Variants in OR8D1 observed in about 807,000 individuals in gnomAD.
The protein encoded by OR8D1 is olfactory receptor 8D1.
For synonymous variants in OR8D1, 143 were observed against 147.0 expected (o/e 0.97, Z 0.20); for missense variants, 384 against 366.8 (o/e 1.05, Z -0.38).
At position 124,310,649 on chromosome 11, in the gene OR8D1, C is replaced by T; in HGVS notation, c.118G>A (p.Val40Met). The T allele has an allele frequency of 6.2e-7, 1 of 1,613,918 alleles. No homozygotes were observed. The highest frequency in any genetic ancestry group is 8.5e-7 in the Non-Finnish European group (1 of 1,179,908). ...LFLGIYVVTV[V>M]GNLGMILLIA... ...AGGAGAATCATGCCCAGGTTGCCCACTACTGTGACCACATAGATTCCCAGG... is the reference window on the plus strand; with the variant it reads ...AGGAGAATCATGCCCAGGTTGCCCATTACTGTGACCACATAGATTCCCAGG... The change falls in exon 3 of 3, where the codon GTG (valine) becomes ATG (methionine). Residue 40 changes from valine to methionine, a missense_variant. Physicochemically the swap from Val to Met is conservative, Grantham distance 21. Coordinates refer to ENST00000641015, the MANE Select transcript of OR8D1 (RefSeq NM_001002917.2).
Position 124,309,913 on chromosome 11 carries a change from A to G in OR8D1, c.854T>C (p.Leu285Pro). The change falls in exon 3 of 3, where the codon CTG becomes CCG. Residue 285 changes from leucine (L) to proline (P), a missense_variant. By Grantham distance (98) the Leu-to-Pro change is moderately conservative. Transcript: ENST00000641015. ...CCTCAGACTGTATATTAAAGGGTTC[A>G]GCATGGGGATCACCGTGGTGTAGAA... ...SVFYTTVIPM[L>P]NPLIYSLRNK... 1 of 1,523,054 alleles carries G rather than the reference A, an allele frequency of 6.6e-7. No homozygotes were observed. The highest frequency in any genetic ancestry group is 8.8e-7 in the Non-Finnish European group (1 of 1,138,224). The allele number at this position is 1,523,054 out of a possible 1,614,324, so 94.3% of individuals were successfully genotyped here.
chr11:124,309,755 C>A lies in OR8D1; in HGVS notation c.*85G>T. On this transcript the variant is annotated 3_prime_UTR_variant, in exon 3 of 3. Coordinates refer to ENST00000641015, the MANE Select transcript of OR8D1 (RefSeq NM_001002917.2). ...AATCTAGATATTATGTATGTTACAA[C>A]AGAAGAACATGAAAATAGAAAAAAG... 1 of 727,772 alleles carries A rather than the reference C, an allele frequency of 1.4e-6. No homozygotes were observed. The highest frequency in any genetic ancestry group is 2.1e-6 in the Non-Finnish European group (1 of 480,242). The allele number at this position is 727,772 out of a possible 1,614,324, so 45.1% of individuals were successfully genotyped here. A position where few individuals can be genotyped will look rare whatever the true frequency, so the allele number is the denominator to read the frequency against.
Position 124,310,570 on chromosome 11 carries a change from A to C in OR8D1, c.197T>G (p.Leu66Trp). ...HTPMYYFLSS[L>W]SFVDFCYSSV... Reference sequence around the variant, plus strand: ...GGAATAGCAGAAATCGACGAAGGACAAGCTGCTGAGGAAATAGTACATGGG... The same window carrying C: ...GGAATAGCAGAAATCGACGAAGGACCAGCTGCTGAGGAAATAGTACATGGG... The change falls in exon 3 of 3, where the codon TTG becomes TGG. Residue 66 changes from leucine (L) to tryptophan (W), a missense_variant. By Grantham distance (61) the Leu-to-Trp change is moderately conservative. Coordinates refer to ENST00000641015, the MANE Select transcript of OR8D1 (RefSeq NM_001002917.2). 18 of 1,613,900 alleles carry C rather than the reference A, an allele frequency of 1.1e-5. No individual in the cohort carries two copies. Among genetic ancestry groups the C allele is most frequent in the Non-Finnish European group, 1.5e-5 (18 of 1,179,892 alleles).
At chr11:124,311,763 TG>T (rs1251034203) in intron 1 of OR8D1, 87 bp from the exon 2 acceptor site, 5 of 152,208 alleles carry the variant, frequency 3.3e-5, no homozygotes, top group African/African-American at 1.2e-4. Flanking sequence ...CAACATGAAC[TG>T]GCTCCCTGGT....
chr11:124,310,362 G>T lies in OR8D1; in HGVS notation c.405C>A (p.Ile135=). ...GCAGTGAGCAGACCCATGAGGACAT[G>T]ATCGCATTATAAAGCAGTGGGCTAC... ...AICSPLLYNA[I]MSSWVCSLLV... The change falls in exon 3 of 3, where the codon ATC becomes ATA. Residue 135 remains isoleucine, a synonymous_variant. Coordinates refer to ENST00000641015, the MANE Select transcript of OR8D1 (RefSeq NM_001002917.2). 6.2e-7 allele frequency: 1 copy of T among 1,613,640 alleles called. No individual in the cohort carries two copies. The highest frequency in any genetic ancestry group is 8.5e-7 in the Non-Finnish European group (1 of 1,179,874).
Position 124,310,066 on chromosome 11 carries a change from C to A in OR8D1, c.701G>T (p.Arg234Leu), listed in dbSNP as rs139899466. 1.8e-5 allele frequency: 29 copies of A among 1,613,184 alleles called. No individual in the cohort carries two copies. The African/African-American group carries it at 3.7e-4, about 21-fold the overall frequency. ...SILHIRSSEG[R>L]SKAFGTCSSH... is the part of the protein sequence containing the mutation. ...GCTGCATGTTCCAAAAGCTTTGGACCGGCCCTCTGAGGAGCGGATGTGAAG... is the reference window on the plus strand; with the variant it reads ...GCTGCATGTTCCAAAAGCTTTGGACAGGCCCTCTGAGGAGCGGATGTGAAG... The change falls in exon 3 of 3, where the codon CGG becomes CTG. Residue 234 changes from arginine (R) to leucine (L), a missense_variant. Arg to Leu is a moderately radical substitution (Grantham distance 102). Transcript: ENST00000641015.
In OR8D1 at chr11:124,309,662, C is replaced by T. The variant is rs748262725; in HGVS notation, c.*178G>A. On this transcript the variant is annotated 3_prime_UTR_variant, in exon 3 of 3. Coordinates refer to ENST00000641015, the MANE Select transcript of OR8D1 (RefSeq NM_001002917.2). ...TATCAAAAGATAAGAATGTTAATAC[C>T]TGCTTTACACAATTCTTTTATTTTG... 9.4e-5 allele frequency: 36 copies of T among 383,782 alleles called. No individual in the cohort carries two copies. Among genetic ancestry groups the T allele is most frequent in the Admixed American group, 2.1e-4 (5 of 23,686 alleles). The allele number at this position is 383,782 out of a possible 1,614,324, so 23.8% of individuals were successfully genotyped here. A position where few individuals can be genotyped will look rare whatever the true frequency, so the allele number is the denominator to read the frequency against.
rs994367804 is a variant in OR8D1, at chr11:124,308,174, A to G, written c.*1666T>C. The G allele has an allele frequency of 2.0e-5, 3 of 152,116 alleles. No homozygotes were observed. Among genetic ancestry groups the G allele is most frequent in the Non-Finnish European group, 4.4e-5 (3 of 68,002 alleles). 9.4% of individuals were successfully genotyped at this position (152,116 alleles called of 1,614,324 possible). On this transcript the variant is annotated 3_prime_UTR_variant, in exon 3 of 3. Transcript: ENST00000641015. The stretch of plus-strand genomic sequence containing the variant: ...TAACCCTAACAAGAGCAGAAGAAAA[A>G]TGAGACTAAAAGTAAAATAAGTTAA...
rs1862347202 is a variant in OR8D1, at chr11:124,304,165, G to A, written c.*5675C>T. Reference sequence around the variant, plus strand: ...TAGGCCATTGCTATCACCTGAGAAAGTTTTTTTGTGTTTATATCCAGTATG... The same window carrying A: ...TAGGCCATTGCTATCACCTGAGAAAATTTTTTTGTGTTTATATCCAGTATG... On this transcript the variant is annotated 3_prime_UTR_variant, in exon 3 of 3. Coordinates refer to ENST00000641015, the MANE Select transcript of OR8D1 (RefSeq NM_001002917.2). The A allele has an allele frequency of 6.6e-6, 1 of 151,826 alleles. No individual in the cohort carries two copies. Among genetic ancestry groups the A allele is most frequent in the Admixed American group, 6.6e-5 (1 of 15,200 alleles). The allele number at this position is 151,826 out of a possible 1,614,324, so 9.4% of individuals were successfully genotyped here. A position where few individuals can be genotyped will look rare whatever the true frequency, so the allele number is the denominator to read the frequency against.
At chr11:124,312,030 GTCATT>G (rs1271272877) in intron 1 of OR8D1, among the ~76,000 whole-genome samples, 1 of 152,202 alleles carries the variant, frequency 6.6e-6, no homozygotes, top group African/African-American at 2.4e-5. Flanking sequence ...CACTGGGCAA[GTCATT>G]TCATGTAAAC....
rs762340145 is a variant in OR8D1, at chr11:124,307,822, C to T, written c.*2018G>A. On this transcript the variant is annotated 3_prime_UTR_variant, in exon 3 of 3. Coordinates refer to ENST00000641015, the MANE Select transcript of OR8D1 (RefSeq NM_001002917.2). Reference sequence around the variant, plus strand: ...TTAACTCTCACCAAATGGTCTCAAGCTCTCCCTGGATTTGTTAAATGTATA... The same window carrying T: ...TTAACTCTCACCAAATGGTCTCAAGTTCTCCCTGGATTTGTTAAATGTATA... The T allele has an allele frequency of 1.2e-4, 19 of 152,072 alleles. No homozygotes were observed. Among genetic ancestry groups the T allele is most frequent in the Non-Finnish European group, 2.6e-4 (18 of 68,018 alleles). 9.4% of individuals were successfully genotyped at this position (152,072 alleles called of 1,614,324 possible).
intron 2 of OR8D1, chr11:124,310,987 A>G (rs1218921715): frequency 8.1e-6 from 4 of 492,558 alleles, no homozygotes; most frequent in South Asian, 8.4e-5. Context: ...ACAAAAAAGT[A>G]CTTCCTGACT....
rs1214064731 is a variant in OR8D1, at chr11:124,303,632, TATG to T, written c.*6205_*6207del. On this transcript the variant is annotated 3_prime_UTR_variant, in exon 3 of 3. Coordinates refer to ENST00000641015, the MANE Select transcript of OR8D1 (RefSeq NM_001002917.2). ...TTTGTAGCTTGCCTTTAGCTTTATG[TATG>T]ATGCCTTTTATTGTAAAGTTTTTTA... 9.9e-5 allele frequency: 15 copies of T among 152,080 alleles called. No homozygotes were observed. Among genetic ancestry groups the T allele is most frequent in the African/African-American group, 3.6e-4 (15 of 41,450 alleles). The allele number at this position is 152,080 out of a possible 1,614,324, so 9.4% of individuals were successfully genotyped here.
rs746084280 is a variant in OR8D1, at chr11:124,310,596, G to A, written c.171C>T (p.Thr57=). 5 of 1,613,894 alleles carry A rather than the reference G, an allele frequency of 3.1e-6. No individual in the cohort carries two copies. Among genetic ancestry groups the A allele is most frequent in the Non-Finnish European group, 4.2e-6 (5 of 1,179,914 alleles). Residue 57 remains threonine (T), a synonymous_variant, in exon 3 of 3, where the codon ACC becomes ACT. Coordinates refer to ENST00000641015, the MANE Select transcript of OR8D1 (RefSeq NM_001002917.2). The part of the protein sequence containing the change: ...LLIAVSPLLH[T]PMYYFLSSLS... ...AGCTGCTGAGGAAATAGTACATGGG[G>A]GTGTGAAGTAGAGGGCTGACTGCAA...
chr11:124,309,698 TGAATC>T lies in OR8D1; in HGVS notation c.*137_*141del. The T allele has an allele frequency of 2.3e-6, 1 of 440,542 alleles. No individual in the cohort carries two copies. The allele number at this position is 440,542 out of a possible 1,614,324, so 27.3% of individuals were successfully genotyped here. On this transcript the variant is annotated 3_prime_UTR_variant, in exon 3 of 3. Coordinates refer to ENST00000641015, the MANE Select transcript of OR8D1 (RefSeq NM_001002917.2). The stretch of plus-strand genomic sequence containing the variant: ...AATTCTTTTATTTTGTTGAGAAAGT[TGAATC>T]AATCATAGATGGGAAAGTATTTTTA...
At chr11:124,311,989 AG>A in intron 1 of OR8D1, among the ~76,000 whole-genome samples, 1 of 152,330 alleles carries the variant, frequency 6.6e-6, no homozygotes, top group East Asian at 1.9e-4. Context: ...GTGTATTTCA[AG>A]GGTTGACTTT....
At position 124,309,492 on chromosome 11, in the gene OR8D1, T is replaced by G. The variant is rs1229280857; in HGVS notation, c.*348A>C. ...CTTAGCATTCATATCAGTGGACAAC[T>G]CAGTACCTCCCACATAGCAAGTATT... On this transcript the variant is annotated 3_prime_UTR_variant, in exon 3 of 3. Coordinates refer to ENST00000641015, the MANE Select transcript of OR8D1 (RefSeq NM_001002917.2). The G allele has an allele frequency of 6.3e-6, 1 of 158,142 alleles. No individual in the cohort carries two copies. The highest frequency in any genetic ancestry group is 6.3e-5 in the Admixed American group (1 of 15,922). 9.8% of individuals were successfully genotyped at this position (158,142 alleles called of 1,614,324 possible). A position where few individuals can be genotyped will look rare whatever the true frequency, so the allele number is the denominator to read the frequency against.
chr11:124,304,352 T>C lies in OR8D1; in HGVS notation c.*5488A>G, dbSNP rs1862349376. 1 of 152,004 alleles carries C rather than the reference T, an allele frequency of 6.6e-6. No individual in the cohort carries two copies. The highest frequency in any genetic ancestry group is 2.4e-5 in the African/African-American group (1 of 41,444). The allele number at this position is 152,004 out of a possible 1,614,324, so 9.4% of individuals were successfully genotyped here. On this transcript the variant is annotated 3_prime_UTR_variant, in exon 3 of 3. Coordinates refer to ENST00000641015, the MANE Select transcript of OR8D1 (RefSeq NM_001002917.2). ...TATTATTAAATGATATTCATCTGTT[T>C]GGTTGCATGCCTCGATAGATTGTCC...
Sources: gnomAD v4.1 joint callset for allele counts (sites outside exome capture counted in the v4.1 genomes callset) on GRCh38, gnomAD v4.1.1 for gene constraint, MANE v1.5 for transcripts, NCBI Gene and HGNC (gene_info 2026-07-23, HGNC 2026-07-21) for gene names.